TACR3: variants seen among roughly 807,000 people sequenced by gnomAD.
TACR3 encodes tachykinin receptor 3.
Under a neutral mutation model 35.0 loss-of-function variants are expected in TACR3, and 34 were observed. The ratio of observed to expected loss-of-function variants is 0.97; its 90% confidence interval spans 0.74 to 1.30. The LOEUF (loss-of-function observed/expected upper bound fraction) is 1.30. TACR3 is among the 50% of genes most tolerant of loss of function. The probability of loss-of-function intolerance (pLI) is 0.00; values close to 1 mark genes in which losing one functional copy is unlikely to be tolerated. For synonymous variants in TACR3, 233 were observed against 221.1 expected (o/e 1.05, Z -0.48); for missense variants, 558 against 591.7 (o/e 0.94, Z 0.59).
chr4:103,648,367 T>C (rs1725504569), intron 3 of TACR3, among the ~76,000 whole-genome samples: 1 of 152,048 alleles, frequency 6.6e-6, no homozygotes, highest in Admixed American at 6.6e-5. Context: ...TGCTATATAA[T>C]ATGGGAACTT....
intron 1 of TACR3, among the ~76,000 whole-genome samples, chr4:103,699,849 A>T (rs1415763848): frequency 7.3e-5 from 11 of 149,896 alleles, no homozygotes; most frequent in Non-Finnish European, 1.6e-4. Context: ...GGATGTGTAA[A>T]TCTGAGATGA....
intron 3 of TACR3, among the ~76,000 whole-genome samples, chr4:103,634,828 A>T (rs1453008911): frequency 1.3e-5 from 2 of 152,076 alleles, no homozygotes; most frequent in African/African-American, 4.8e-5. Context: ...AGGTTTTCAC[A>T]TTTATCCCTT....
chr4:103,629,105 A>C (rs1578233445), intron 3 of TACR3, among the ~76,000 whole-genome samples: 1 of 152,058 alleles, frequency 6.6e-6, no homozygotes, highest in African/African-American at 2.4e-5. Context: ...CATGCTAAAA[A>C]CTCTCAATAA....
At chr4:103,657,829 G>A (rs1002386517) in intron 2 of TACR3, among the ~76,000 whole-genome samples, 1 of 151,862 alleles carries the variant, frequency 6.6e-6, no homozygotes, top group Admixed American at 6.6e-5. Flanking sequence ...AACCTACTAG[G>A]GTGCTCCTTC....
intron 1 of TACR3, among the ~76,000 whole-genome samples, chr4:103,684,603 A>G (rs945533512): frequency 6.6e-5 from 10 of 152,198 alleles, no homozygotes; most frequent in Admixed American, 2.6e-4. Flanking sequence ...AGGATTCAGC[A>G]TAGTAAAGAT....
rs1327706335 is a variant in TACR3 at position 103,589,106 on chromosome 4, T to G, written c.*576A>C. The G allele has an allele frequency of 6.6e-6, 1 of 151,818 alleles. No homozygotes were observed. Among genetic ancestry groups the G allele is most frequent in the East Asian group, 1.9e-4 (1 of 5,202 alleles). The allele number at this position is 151,818 out of a possible 1,614,324, so 9.4% of individuals were successfully genotyped here. On this transcript the variant is annotated 3_prime_UTR_variant, in exon 5 of 5. Transcript: ENST00000304883. Reference sequence around the variant, plus strand: ...TCAGTTAAATGCCATGGAAGAAATCTTTAAATCTTTAAATCTTTACATTCT... The same window carrying G: ...TCAGTTAAATGCCATGGAAGAAATCGTTAAATCTTTAAATCTTTACATTCT...
At chr4:103,612,638 A>G (rs1706345482) in intron 3 of TACR3, among the ~76,000 whole-genome samples, 1 of 151,964 alleles carries the variant, frequency 6.6e-6, no homozygotes, top group South Asian at 2.1e-4. Flanking sequence ...CCTTCTGAGT[A>G]CCTGGGACTA....
At chr4:103,650,628 ATAT>A (rs1725574648) in intron 3 of TACR3, among the ~76,000 whole-genome samples, 2 of 93,366 alleles carry the variant, frequency 2.1e-5, no homozygotes, top group Non-Finnish European at 1.9e-5. Flanking sequence ...TTATATATAA[ATAT>A]ATAATATATA....
At chr4:103,634,327 T>A (rs1420332759) in intron 3 of TACR3, among the ~76,000 whole-genome samples, 5 of 152,032 alleles carry the variant, frequency 3.3e-5, no homozygotes, top group Non-Finnish European at 5.9e-5. Context: ...TCTGGCAAAA[T>A]GATTTTTCTC....
At chr4:103,657,211 T>C (rs1034872461) in intron 2 of TACR3, among the ~76,000 whole-genome samples, 6 of 130,804 alleles carry the variant, frequency 4.6e-5, no homozygotes, top group Admixed American at 2.9e-4. Context: ...GTCTTCTCCA[T>C]ACCAGTGTTT....
chr4:103,679,248 C>T (rs1726237704), intron 1 of TACR3, among the ~76,000 whole-genome samples: 1 of 151,960 alleles, frequency 6.6e-6, no homozygotes, highest in African/African-American at 2.4e-5. Flanking sequence ...TTATATTCTT[C>T]TCTTCGAAAA....
intron 1 of TACR3, among the ~76,000 whole-genome samples, chr4:103,672,445 A>G (rs115037595): frequency 0.027 from 4,158 of 152,300 alleles, 103 homozygotes; most frequent in Middle Eastern, 0.068. Context: ...CATGAAAACA[A>G]CATTAATCTC....
intron 4 of TACR3, among the ~76,000 whole-genome samples, chr4:103,590,730 C>T (rs568758641): frequency 6.6e-6 from 1 of 152,264 alleles, no homozygotes; most frequent in African/African-American, 2.4e-5. Flanking sequence ...GAAAAAAACA[C>T]ATTGGTTTAT....
chr4:103,599,422 T>C (rs1178026468), intron 3 of TACR3, among the ~76,000 whole-genome samples: 1 of 152,214 alleles, frequency 6.6e-6, no homozygotes, highest in African/African-American at 2.4e-5. Context: ...TGACTTCCTC[T>C]TTTCCTAATT....
intron 1 of TACR3, among the ~76,000 whole-genome samples, chr4:103,665,740 A>C (rs1196696978): frequency 6.6e-6 from 1 of 152,160 alleles, no homozygotes. Context: ...TTGGGGCTTT[A>C]GTGTGATGGC....
chr4:103,668,584 A>C (rs1049987848), intron 1 of TACR3, among the ~76,000 whole-genome samples: 4 of 152,040 alleles, frequency 2.6e-5, no homozygotes, highest in Admixed American at 1.3e-4. Context: ...GTGGTGGCCC[A>C]CACCTGTAAT....
At chr4:103,717,881 T>G (rs1433906664) in intron 1 of TACR3, among the ~76,000 whole-genome samples, 1 of 152,054 alleles carries the variant, frequency 6.6e-6, no homozygotes, top group Non-Finnish European at 1.5e-5. Flanking sequence ...GTGTGGATAA[T>G]CAGAGATAAA....
chr4:103,685,189 G>A (rs1425250077), intron 1 of TACR3, among the ~76,000 whole-genome samples: 1 of 151,920 alleles, frequency 6.6e-6, no homozygotes. Context: ...AACAGGATTT[G>A]GAGTCTAGAA....
intron 1 of TACR3, among the ~76,000 whole-genome samples, chr4:103,688,756 C>T (rs1022235666): frequency 1.3e-5 from 2 of 151,732 alleles, no homozygotes; most frequent in Non-Finnish European, 2.9e-5. Flanking sequence ...ACAACAGGTG[C>T]TGGAGAGGAT....
Sources: allele counts gnomAD v4.1 joint callset (sites outside exome capture counted in the v4.1 genomes callset), GRCh38; gene constraint gnomAD v4.1.1; transcripts MANE v1.5; gene names NCBI Gene and HGNC (gene_info 2026-07-23, HGNC 2026-07-21).